TRRAP: variants seen among roughly 807,000 people sequenced by gnomAD.
TRRAP encodes the protein transformation/transcription domain-associated protein.
In TRRAP, 41 loss-of-function variants were observed where a neutral mutation model predicts 438.8. The ratio of observed to expected loss-of-function variants is 0.09; its 90% CI spans 0.07 to 0.12. The LOEUF (loss-of-function observed/expected upper bound fraction) is 0.12. TRRAP is among the 10% of genes least tolerant of loss of function. The probability of loss-of-function intolerance (pLI) is 1.00; values close to 1 mark genes in which losing one functional copy is unlikely to be tolerated. For synonymous variants in TRRAP, 1,994 were observed against 1,962.9 expected (o/e 1.02, Z -0.42); for missense variants, 3,122 against 5,055.1 (o/e 0.62, Z 11.60).
intron 11 of TRRAP, among the ~76,000 whole-genome samples, chr7:98,902,931 A>G (rs1456094946): frequency 1.3e-5 from 2 of 151,650 alleles, no homozygotes; most frequent in Non-Finnish European, 2.9e-5. Flanking sequence ...AAAAAAGAAA[A>G]TTAGGCATGG....
At chr7:98,965,142 A>G (rs1369993628) in intron 48 of TRRAP, among the ~76,000 whole-genome samples, 1 of 152,222 alleles carries the variant, frequency 6.6e-6, no homozygotes, top group African/African-American at 2.4e-5. Context: ...ATGCGTGTGC[A>G]TGTGCACACA....
intron 51 of TRRAP, among the ~76,000 whole-genome samples, chr7:98,968,447 A>G (rs1213523216): frequency 6.6e-6 from 1 of 152,208 alleles, no homozygotes; most frequent in Non-Finnish European, 1.5e-5. Flanking sequence ...CAGTGTTATG[A>G]AAGCGAGGTC....
intron 39 of TRRAP, 86 bp from the exon 40 acceptor site, chr7:98,953,067 GTGTGTGTGTGTGTT>G: frequency 5.7e-6 from 2 of 348,878 alleles, no homozygotes; most frequent in African/African-American, 4.6e-5. Flanking sequence ...GTGTGTGTGT[GTGTGTGTGTGTGTT>G]TTTAAGGCTT....
At chr7:98,958,275 C>T (rs1791720317) in intron 44 of TRRAP, among the ~76,000 whole-genome samples, 184 bp downstream of exon 44, 1 of 152,014 alleles carries the variant, frequency 6.6e-6, no homozygotes, top group Non-Finnish European at 1.5e-5. Flanking sequence ...TTTCCAAAAT[C>T]TACCTGTGTC....
intron 5 of TRRAP, among the ~76,000 whole-genome samples, chr7:98,892,883 A>G (rs1796038115): frequency 6.6e-6 from 1 of 152,168 alleles, no homozygotes; most frequent in Admixed American, 6.5e-5. Flanking sequence ...GTACATGCTC[A>G]TAAAGAGTAT....
chr7:98,893,850 A>T lies in TRRAP; in HGVS notation c.419A>T (p.His140Leu). Reference sequence around the variant, plus strand: ...TGTCTAAGAATAATTATTGAGCTACACAAACAGTTCAGGCCACCGATCACA... The same window carrying T: ...TGTCTAAGAATAATTATTGAGCTACTCAAACAGTTCAGGCCACCGATCACA... ...LICLRIIIEL[H>L]KQFRPPITQE... is the part of the protein sequence containing the mutation. The change falls in exon 6 of 73, where the codon CAC (histidine) becomes CTC (leucine). Residue 140 changes from histidine to leucine, a missense_variant. His to Leu is a moderately conservative substitution (Grantham distance 99, BLOSUM62 -3). Coordinates refer to ENST00000456197, the MANE Select transcript of TRRAP (RefSeq NM_001375524.1). 1 of 1,613,920 alleles carries T rather than the reference A, an allele frequency of 6.2e-7. No homozygotes were observed. The highest frequency in any genetic ancestry group is 8.5e-7 in the Non-Finnish European group (1 of 1,179,976).
At chr7:98,942,800 A>C (rs782340747) in intron 30 of TRRAP, 149 bp from the exon 31 acceptor site, 1 of 809,860 alleles carries the variant, frequency 1.2e-6, no homozygotes, top group Non-Finnish European at 2.0e-6. Flanking sequence ...AGTTATTCTC[A>C]TCACTAGTTA....
In TRRAP at chr7:98,892,433, A is replaced by C; in HGVS notation, c.271A>C (p.Lys91Gln). ...LQEKPAQQLR[K>Q]LVLEIIHRIP... The stretch of plus-strand genomic sequence containing the variant: ...TATTTTTTCTTGCCAGCAACTGCGG[A>C]AGCTCGTACTTGAAATAATTCATAG... Residue 91 changes from lysine to glutamine, a missense_variant, in exon 5 of 73, where the codon AAG (lysine) becomes CAG (glutamine). Physicochemically the swap from Lys to Gln is moderately conservative, Grantham distance 53. Transcript: ENST00000456197. The C allele has an allele frequency of 1.2e-6, 2 of 1,610,304 alleles. No individual in the cohort carries two copies. Among genetic ancestry groups the C allele is most frequent in the Non-Finnish European group, 8.5e-7 (1 of 1,179,092 alleles).
At position 99,012,560 on chromosome 7, in the gene TRRAP, C is replaced by A; in HGVS notation, c.*205C>A. On this transcript the variant is annotated 3_prime_UTR_variant, in exon 73 of 73. Transcript: ENST00000456197. This position sits in a 1 kb window ranked among gnomAD's most constrained non-coding sequence, Gnocchi z 5.9. Reference sequence around the variant, plus strand: ...TGAACTATGACGATGCTGGGCGAAGCGGTTGGAAATGGCAGAGCTGAAACT... The same window carrying A: ...TGAACTATGACGATGCTGGGCGAAGAGGTTGGAAATGGCAGAGCTGAAACT... The A allele has an allele frequency of 1.6e-6, 1 of 640,968 alleles. No individual in the cohort carries two copies. Among genetic ancestry groups the A allele is most frequent in the Non-Finnish European group, 2.6e-6 (1 of 391,572 alleles). 39.7% of individuals were successfully genotyped at this position (640,968 alleles called of 1,614,324 possible). A position where few individuals can be genotyped will look rare whatever the true frequency, so the allele number is the denominator to read the frequency against.
At chr7:98,989,534 A>G (rs151180036) in intron 63 of TRRAP, among the ~76,000 whole-genome samples, 38 of 152,376 alleles carry the variant, frequency 2.5e-4, no homozygotes, top group African/African-American at 7.9e-4. Context: ...AGGAAACCCA[A>G]GAATAAATTG....
At chr7:98,936,502 T>C (rs1790563545) in intron 28 of TRRAP, among the ~76,000 whole-genome samples, 1 of 152,194 alleles carries the variant, frequency 6.6e-6, no homozygotes, top group Non-Finnish European at 1.5e-5. Flanking sequence ...ACATAGAAGG[T>C]TGAGGTGTGT....
At chr7:98,975,662 C>T (rs1359376297) in intron 53 of TRRAP, among the ~76,000 whole-genome samples, 1 of 152,222 alleles carries the variant, frequency 6.6e-6, no homozygotes, top group African/African-American at 2.4e-5. Context: ...TTTCTCCTGC[C>T]TCTTGTCCAC....
chr7:99,008,891 A>G (rs541956683), intron 70 of TRRAP, among the ~76,000 whole-genome samples: 2 of 152,316 alleles, frequency 1.3e-5, no homozygotes, highest in Admixed American at 6.5e-5. Context: ...CTTGACAGCC[A>G]CACCTGATCT....
intron 20 of TRRAP, among the ~76,000 whole-genome samples, chr7:98,919,325 G>T (rs1789679099): frequency 6.6e-6 from 1 of 152,206 alleles, no homozygotes; most frequent in Non-Finnish European, 1.5e-5. Context: ...TAGGGGCCAG[G>T]TGTGGTGGCT....
At chr7:98,931,742 A>G (rs1375122948) in intron 26 of TRRAP, 77 bp downstream of exon 26, 22 of 1,554,758 alleles carry the variant, frequency 1.4e-5, no homozygotes, top group South Asian at 2.5e-5. Context: ...AGTTGAGGTG[A>G]TACTCCGTTT....
At chr7:98,925,511 T>A (rs1262513970) in intron 22 of TRRAP, among the ~76,000 whole-genome samples, 1 of 152,208 alleles carries the variant, frequency 6.6e-6, no homozygotes, top group Non-Finnish European at 1.5e-5. Context: ...CTCCATTAGT[T>A]TGTAAGTGTG....
At chr7:98,906,058 T>A in intron 12 of TRRAP, 119 bp from the exon 13 acceptor site, 1 of 758,058 alleles carries the variant, frequency 1.3e-6, no homozygotes. Flanking sequence ...CTCTGTCCCT[T>A]TTCAGGTCTG....
intron 27 of TRRAP, among the ~76,000 whole-genome samples, chr7:98,933,739 G>A (rs1345563359): frequency 2.6e-5 from 4 of 152,190 alleles, no homozygotes; most frequent in South Asian, 2.1e-4. Flanking sequence ...CAGCTGGCCC[G>A]GCACAAGTGC....
chr7:98,912,273 C>T, intron 18 of TRRAP, 60 bp downstream of exon 18: 3 of 1,555,268 alleles, frequency 1.9e-6, no homozygotes, highest in East Asian at 4.5e-5. Flanking sequence ...TTGTTAGAGA[C>T]AGGGCCTCAC....
Sources: allele counts gnomAD v4.1 joint callset (sites outside exome capture counted in the v4.1 genomes callset), GRCh38; gene constraint gnomAD v4.1.1; non-coding constraint Gnocchi (gnomAD v3.1); transcripts MANE v1.5; gene names NCBI Gene and HGNC (gene_info 2026-07-23, HGNC 2026-07-21).